DCDC2: variants seen among roughly 807,000 people sequenced by gnomAD.
DCDC2 encodes the protein doublecortin domain containing 2.
DCDC2 carries 40 observed loss-of-function variants against 50.2 expected under a neutral mutation model. That is an observed-to-expected ratio of 0.80 (90% CI 0.62 to 1.04). The LOEUF (loss-of-function observed/expected upper bound fraction) is 1.04. DCDC2 is among the 50% of genes least tolerant of loss of function. The pLI is 0.00. For missense variants in DCDC2, 570 were observed against 581.9 expected (o/e 0.98, Z 0.21); for synonymous variants, 234 against 210.6 (o/e 1.11, Z -0.96).
At position 24,353,642 on chromosome 6, in the gene DCDC2, A is replaced by G. The variant is rs1760412946; in HGVS notation, c.294-19T>C. ...CAAGTAACTGAGGAAAAAACAAACA[A>G]ACAATAAGAGTTGCTTTTATAGACT... On this transcript the variant is annotated intron_variant, in intron 1 of 9. Coordinates refer to ENST00000378454, the MANE Select transcript of DCDC2 (RefSeq NM_016356.5). 2 of 1,533,684 alleles carry G rather than the reference A, an allele frequency of 1.3e-6. No homozygotes were observed. Among genetic ancestry groups the G allele is most frequent in the African/African-American group, 1.4e-5 (1 of 72,214 alleles).
At chr6:24,316,231 T>C (rs1581648530) in intron 2 of DCDC2, among the ~76,000 whole-genome samples, 2 of 152,112 alleles carry the variant, frequency 1.3e-5, no homozygotes, top group Admixed American at 1.3e-4. Flanking sequence ...ATCAGCATAC[T>C]GATCATATTT....
At chr6:24,202,188 A>G (rs1160838078) in intron 8 of DCDC2, among the ~76,000 whole-genome samples, 2 of 152,172 alleles carry the variant, frequency 1.3e-5, no homozygotes, top group Non-Finnish European at 2.9e-5. Context: ...ACAGAAGAAC[A>G]TTTCAGGCCA....
chr6:24,183,021 T>C (rs1761115407), intron 8 of DCDC2, among the ~76,000 whole-genome samples: 1 of 152,224 alleles, frequency 6.6e-6, no homozygotes, highest in Non-Finnish European at 1.5e-5. Flanking sequence ...AGAGATATTA[T>C]GCTAAGTGAA....
At chr6:24,205,528 A>G (rs182642489) in intron 7 of DCDC2, among the ~76,000 whole-genome samples, 11 of 151,416 alleles carry the variant, frequency 7.3e-5, no homozygotes, top group African/African-American at 2.4e-4. Flanking sequence ...TGCATTCAAT[A>G]TAACGTATTG....
chr6:24,358,866 TA>T (rs1367095702), upstream of DCDC2, among the ~76,000 whole-genome samples: 1 of 20,676 alleles, frequency 4.8e-5, no homozygotes, highest in Non-Finnish European at 7.6e-5. Flanking sequence ...ATAATATATA[TA>T]ATATATATGT....
At chr6:24,220,274 A>T (rs1340696) in intron 7 of DCDC2, among the ~76,000 whole-genome samples, 127,825 of 152,238 alleles carry the variant, frequency 0.84, 54,399 homozygotes, top group Non-Finnish European at 0.91. Context: ...CATGCTCTTA[A>T]GTTTTGCACT....
chr6:24,326,339 A>G lies in DCDC2; in HGVS notation c.349-24295T>C, dbSNP rs1759863721. 4.0e-5 allele frequency among the ~76,000 whole-genome samples: 6 copies of G among 148,746 alleles called. No individual in the cohort carries two copies. In the South Asian group the frequency reaches 1.1e-3, roughly 28 times the overall value. On this transcript the variant is annotated intron_variant, in intron 2 of 9. Coordinates refer to ENST00000378454, the MANE Select transcript of DCDC2 (RefSeq NM_016356.5). The stretch of plus-strand genomic sequence containing the variant: ...AAAAGAGTCTCCATTTTTAGAATAC[A>G]CCAACCAATAGAAGGACCCCCCCAT...
chr6:24,328,784 T>C (rs1202669509), intron 2 of DCDC2, among the ~76,000 whole-genome samples: 1 of 152,214 alleles, frequency 6.6e-6, no homozygotes, highest in African/African-American at 2.4e-5. Flanking sequence ...GCTTAGACAC[T>C]GTGAAGCAAT....
intron 7 of DCDC2, among the ~76,000 whole-genome samples, chr6:24,210,064 C>T (rs910942049): frequency 4.1e-4 from 59 of 145,566 alleles, no homozygotes; most frequent in Non-Finnish European, 7.9e-4. Flanking sequence ...GTCTGTCTGT[C>T]TGTCTGTCTG....
chr6:24,356,660 TC>T (rs1288864689), intron 1 of DCDC2, among the ~76,000 whole-genome samples: 2 of 152,210 alleles, frequency 1.3e-5, no homozygotes, highest in Non-Finnish European at 2.9e-5. Flanking sequence ...TATGCACATA[TC>T]CCTTTGTAGC....
intron 9 of DCDC2, among the ~76,000 whole-genome samples, chr6:24,177,657 G>A (rs1285026507): frequency 6.6e-6 from 1 of 152,164 alleles, no homozygotes; most frequent in East Asian, 1.9e-4. Context: ...AAGAATGCCA[G>A]GACTGATGAG....
chr6:24,308,907 T>C (rs74659371), intron 2 of DCDC2, among the ~76,000 whole-genome samples: 5,133 of 152,170 alleles, frequency 0.034, 269 homozygotes, highest in African/African-American at 0.11. Context: ...GCCGAGAGAA[T>C]TGACTGTTGC....
chr6:24,249,421 T>C lies in DCDC2; in HGVS notation c.922+28628A>G, dbSNP rs533450885. Among the ~76,000 whole-genome samples, 8 of 152,304 alleles carry C rather than the reference T, an allele frequency of 5.3e-5. No individual in the cohort carries two copies. The East Asian group carries it at 1.3e-3, about 26-fold the overall frequency. ...TTCAATTGAAAAATTCAATACACTT[T>C]CTCTTCTAACATTTTAAAATAGCAA... On this transcript the variant is annotated intron_variant, in intron 7 of 9. Transcript: ENST00000378454.
intron 2 of DCDC2, among the ~76,000 whole-genome samples, chr6:24,306,907 T>C (rs907680167): frequency 3.3e-5 from 5 of 152,106 alleles, no homozygotes; most frequent in African/African-American, 1.2e-4. Flanking sequence ...CTATGAAAAA[T>C]AAAATCAATA....
At chr6:24,379,551 A>C in the DCDC2 span, among the ~76,000 whole-genome samples, 1 of 152,216 alleles carries the variant, frequency 6.6e-6, no homozygotes, top group South Asian at 2.1e-4. Context: ...CAGATGCTGG[A>C]GAGGATGTGG....
the DCDC2 span, among the ~76,000 whole-genome samples, chr6:24,369,226 T>G: frequency 1.3e-5 from 2 of 152,062 alleles, no homozygotes; most frequent in African/African-American, 4.8e-5. Context: ...CCCTTTTGTT[T>G]GTTTTTGTGG....
At chr6:24,318,848 G>A (rs537887682) in intron 2 of DCDC2, among the ~76,000 whole-genome samples, 11 of 151,298 alleles carry the variant, frequency 7.3e-5, no homozygotes, top group Non-Finnish European at 1.5e-4. Context: ...GGACACTTAG[G>A]TTGAGTCCAT....
chr6:24,353,272 T>A (rs1760405072), intron 2 of DCDC2: 2 of 492,654 alleles, frequency 4.1e-6, no homozygotes, highest in African/African-American at 3.9e-5. Context: ...CAGAATCTTC[T>A]CACTTGACAG....
upstream of DCDC2, among the ~76,000 whole-genome samples, chr6:24,358,944 T>TTTTATATAA (rs1760563781): frequency 1.8e-5 from 1 of 56,956 alleles, no homozygotes; most frequent in African/African-American, 8.4e-5. Context: ...ATTTTATATA[T>TTTTATATAA]TATATATTAT....
Sources: gnomAD v4.1 joint callset for allele counts (sites outside exome capture counted in the v4.1 genomes callset) on GRCh38, gnomAD v4.1.1 for gene constraint, MANE v1.5 for transcripts, NCBI Gene and HGNC (gene_info 2026-07-23, HGNC 2026-07-21) for gene names.